The following ING3 variants were observed in gnomAD, a reference collection of about 807,000 sequenced individuals.
The protein encoded by ING3 is inhibitor of growth protein 3.
ING3 carries 6 observed loss-of-function variants against 64.8 expected under a neutral mutation model. That is an observed-to-expected ratio of 0.09 (90% CI 0.05 to 0.18). The LOEUF is 0.18. Among genes scored for constraint, ING3 ranks in the 10% least tolerant of loss-of-function variants. The pLI is 1.00. For synonymous variants in ING3, 170 were observed against 173.7 expected, an observed-to-expected ratio of 0.98 and a Z score of 0.17; for missense variants, 310 against 489.7, an observed-to-expected ratio of 0.63 and a Z score of 3.46.
At chr7:120,960,623 A>G (rs1242381448) in intron 4 of ING3, among the ~76,000 whole-genome samples, 4 of 152,084 alleles carry the variant, frequency 2.6e-5, no homozygotes, top group South Asian at 4.2e-4. Context: ...TGTGACCATC[A>G]CTGCACTGGT....
chr7:120,974,416 A>G (rs1317391865), intron 11 of ING3, among the ~76,000 whole-genome samples: 1 of 152,200 alleles, frequency 6.6e-6, no homozygotes, highest in African/African-American at 2.4e-5. Flanking sequence ...TACATAGAAG[A>G]TTCATCCCAC....
At chr7:120,963,763 T>A (rs1055109316) in intron 4 of ING3, among the ~76,000 whole-genome samples, 1 of 152,172 alleles carries the variant, frequency 6.6e-6, no homozygotes, top group Non-Finnish European at 1.5e-5. Context: ...TTCTTCCTCA[T>A]GTTAGTTACA....
chr7:120,971,314 G>A (rs1183027032), intron 10 of ING3, among the ~76,000 whole-genome samples: 1 of 152,178 alleles, frequency 6.6e-6, no homozygotes, highest in Non-Finnish European at 1.5e-5. Context: ...ACATGATAGA[G>A]GGAGAAAGAG....
intron 6 of ING3, among the ~76,000 whole-genome samples, chr7:120,967,131 G>T (rs1229674744): frequency 6.6e-6 from 1 of 152,182 alleles, no homozygotes; most frequent in Non-Finnish European, 1.5e-5. Flanking sequence ...TCAGTGAGTG[G>T]ATGAATTGTT....
intron 6 of ING3, 114 bp downstream of exon 6, chr7:120,966,811 T>G (rs1796002420): frequency 1.3e-6 from 1 of 777,590 alleles, no homozygotes; most frequent in South Asian, 1.6e-5. Context: ...ATCCCTTCTT[T>G]TTTTTTCATT....
intron 8 of ING3, 22 bp from the exon 9 acceptor site, chr7:120,968,989 T>C: frequency 6.9e-7 from 1 of 1,457,972 alleles, no homozygotes; most frequent in Non-Finnish European, 9.5e-7. Flanking sequence ...ATATTGATGC[T>C]ATCAATGAAT....
At chr7:120,957,157 A>T (rs1327289493) in intron 4 of ING3, among the ~76,000 whole-genome samples, 1 of 152,006 alleles carries the variant, frequency 6.6e-6, no homozygotes, top group East Asian at 1.9e-4. Flanking sequence ...AGATCACGAG[A>T]TCAGGAGATC....
chr7:120,959,037 G>T (rs1031001538), intron 4 of ING3, among the ~76,000 whole-genome samples: 1 of 152,084 alleles, frequency 6.6e-6, no homozygotes, highest in Non-Finnish European at 1.5e-5. Context: ...ATTGCCATTC[G>T]TTTTGTCTTG....
chr7:120,970,701 T>G lies in ING3; in HGVS notation c.922T>G (p.Ser308Ala), dbSNP rs1355077682. 5 of 1,613,706 alleles carry G rather than the reference T, an allele frequency of 3.1e-6. No individual in the cohort carries two copies. Among genetic ancestry groups the G allele is most frequent in the Non-Finnish European group, 4.2e-6 (5 of 1,179,816 alleles). Residue 308 changes from serine (S) to alanine (A), a missense_variant, in exon 10 of 12, where the codon TCT becomes GCT. Coordinates refer to ENST00000315870, the MANE Select transcript of ING3 (RefSeq NM_019071.3). ...SGRKSKNNNK[S>A]SSQQSSSSSS... is the part of the protein sequence containing the mutation. ...TATTTTTTTCAGAAACAACAACAAG[T>G]CTTCAAGCCAGCAGTCATCATCTTC...
At chr7:120,967,506 A>G in intron 6 of ING3, 23 bp from the exon 7 acceptor site, 1 of 1,482,484 alleles carries the variant, frequency 6.7e-7, no homozygotes, top group African/African-American at 1.4e-5. Context: ...TTAAAAACAC[A>G]TGAATTTTTT....
In ING3 at chr7:120,977,050, C is replaced by G. The variant is rs1045391537; in HGVS notation, c.*2206C>G. On this transcript the variant is annotated 3_prime_UTR_variant, in exon 12 of 12. Transcript: ENST00000315870. ...TTTTTGGTATTATAAAATACACATTCAAAATCTCTGTTGTACAAAACTCAT... is the reference window on the plus strand; with the variant it reads ...TTTTTGGTATTATAAAATACACATTGAAAATCTCTGTTGTACAAAACTCAT... 2.6e-5 allele frequency: 4 copies of G among 152,262 alleles called. No individual in the cohort carries two copies. The South Asian group carries it at 8.3e-4, about 32-fold the overall frequency. The allele number at this position is 152,262 out of a possible 1,614,324, so 9.4% of individuals were successfully genotyped here.
intron 4 of ING3, among the ~76,000 whole-genome samples, chr7:120,961,284 A>G (rs1015836517): frequency 6.6e-5 from 10 of 152,208 alleles, no homozygotes; most frequent in Non-Finnish European, 1.3e-4. Flanking sequence ...TATCTGAGAA[A>G]TACTTTGCTA....
rs1436248020 is a variant in ING3, at chr7:120,953,297, G to A, written c.101-7G>A. The stretch of plus-strand genomic sequence containing the variant: ...ATTTAATATGAATTTTTTTTATTAT[G>A]TCATAGATGCAATGGATCAACTAGA... On this transcript the variant is annotated splice_region_variant and splice_polypyrimidine_tract_variant and intron_variant, in intron 2 of 11. Coordinates refer to ENST00000315870, the MANE Select transcript of ING3 (RefSeq NM_019071.3). 2 of 1,537,498 alleles carry A rather than the reference G, an allele frequency of 1.3e-6. No individual in the cohort carries two copies. Among genetic ancestry groups the A allele is most frequent in the Admixed American group, 2.0e-5 (1 of 51,254 alleles).
chr7:120,953,001 T>C (rs1584986220), intron 2 of ING3, among the ~76,000 whole-genome samples: 1 of 152,156 alleles, frequency 6.6e-6, no homozygotes. Context: ...TTAATACCAT[T>C]AGCTTTTGAC....
At chr7:120,957,169 C>T (rs1050654701) in intron 4 of ING3, among the ~76,000 whole-genome samples, 5 of 151,842 alleles carry the variant, frequency 3.3e-5, no homozygotes, top group African/African-American at 9.7e-5. Flanking sequence ...CAGGAGATCG[C>T]GACCATCCTG....
chr7:120,958,692 G>A (rs1216106794), intron 4 of ING3, among the ~76,000 whole-genome samples: 1 of 152,136 alleles, frequency 6.6e-6, no homozygotes. Context: ...CATCACTTAT[G>A]CCTTCTCTTT....
intron 9 of ING3, among the ~76,000 whole-genome samples, chr7:120,970,282 G>A (rs754023370): frequency 2.6e-5 from 4 of 152,038 alleles, no homozygotes; most frequent in Non-Finnish European, 5.9e-5. Context: ...TGGCTAACAC[G>A]ATGAAACCCC....
chr7:120,960,563 C>G (rs1305136585), intron 4 of ING3, among the ~76,000 whole-genome samples: 1 of 152,064 alleles, frequency 6.6e-6, no homozygotes, highest in Non-Finnish European at 1.5e-5. Context: ...TGTATTTTTT[C>G]ATTGAAATAT....
chr7:120,973,734 G>A (rs1796099208), intron 11 of ING3, among the ~76,000 whole-genome samples: 1 of 152,206 alleles, frequency 6.6e-6, no homozygotes, highest in South Asian at 2.1e-4. Flanking sequence ...GATCTAAAAA[G>A]TAAAGGAAAT....
Sources: allele counts gnomAD v4.1 joint callset (sites outside exome capture counted in the v4.1 genomes callset), GRCh38; gene constraint gnomAD v4.1.1; transcripts MANE v1.5; gene names NCBI Gene and HGNC (gene_info 2026-07-23, HGNC 2026-07-21).